The following TMEM233 variants were observed in gnomAD, a reference collection of about 807,000 sequenced individuals.
TMEM233 encodes the protein transmembrane protein 233.
In TMEM233, 6 loss-of-function variants were observed where a neutral mutation model predicts 11.2. That is an observed-to-expected ratio of 0.54 (90% CI 0.29 to 1.06). The LOEUF is 1.06. Ranked by LOEUF, TMEM233 falls within the 50% of genes least tolerant of loss-of-function variation. The probability of loss-of-function intolerance (pLI) is 0.08; values close to 1 mark genes in which losing one functional copy is unlikely to be tolerated. For missense variants in TMEM233, 127 were observed against 144.7 expected, an observed-to-expected ratio of 0.88 and a Z score of 0.63; for synonymous variants, 59 against 55.8, an observed-to-expected ratio of 1.06 and a Z score of -0.26.
chr12:119,605,370 AC>A (rs1186287620), intron 1 of TMEM233, among the ~76,000 whole-genome samples: 1 of 137,828 alleles, frequency 7.3e-6, no homozygotes, highest in Admixed American at 7.7e-5. Flanking sequence ...GACAGTCCTT[AC>A]CCCCATGAAG....
chr12:119,622,410 A>T (rs1187135217), intron 1 of TMEM233, among the ~76,000 whole-genome samples: 2 of 152,208 alleles, frequency 1.3e-5, no homozygotes, highest in African/African-American at 2.4e-5. Flanking sequence ...ATAAATTTTG[A>T]GTATCTAAAG....
chr12:119,611,675 G>T (rs1954402499), intron 1 of TMEM233, among the ~76,000 whole-genome samples: 1 of 151,984 alleles, frequency 6.6e-6, no homozygotes, highest in South Asian at 2.1e-4. Context: ...TGAGAGGTCT[G>T]TTTATGTATC....
At chr12:119,640,659 C>T (rs987619216) in intron 2 of TMEM233, 40 bp from the exon 3 acceptor site, 3 of 1,548,180 alleles carry the variant, frequency 1.9e-6, no homozygotes, top group Non-Finnish European at 1.7e-6. Flanking sequence ...GAAGCTCAGC[C>T]CACGGTCTTT....
At position 119,594,995 on chromosome 12, in the gene TMEM233, C is replaced by G. The variant is rs1169848964; in HGVS notation, c.186+961C>G. ...GGGGATTCCACGCAACGTGCGGCTCCGCCCGCCCTCTGCGCTCAGACCTCC... is the reference window on the plus strand; with the variant it reads ...GGGGATTCCACGCAACGTGCGGCTCGGCCCGCCCTCTGCGCTCAGACCTCC... On this transcript the variant is annotated intron_variant, in intron 1 of 2. Coordinates refer to ENST00000426426, the MANE Select transcript of TMEM233 (RefSeq NM_001136534.3). This position sits in a 1 kb window ranked among gnomAD's most constrained non-coding sequence, Gnocchi z 5.6. Among the ~76,000 whole-genome samples the G allele has an allele frequency of 6.6e-6, 1 of 152,230 alleles. No individual in the cohort carries two copies. Among genetic ancestry groups the G allele is most frequent in the Non-Finnish European group, 1.5e-5 (1 of 68,034 alleles).
At chr12:119,612,699 C>T (rs1053684766) in intron 1 of TMEM233, among the ~76,000 whole-genome samples, 3 of 146,258 alleles carry the variant, frequency 2.1e-5, no homozygotes, top group African/African-American at 7.7e-5. Flanking sequence ...TGCAGTGAGC[C>T]AAGATCACGC....
chr12:119,625,371 T>TTTC (rs1954730062), intron 1 of TMEM233, among the ~76,000 whole-genome samples: 3 of 151,866 alleles, frequency 2.0e-5, no homozygotes, highest in African/African-American at 7.2e-5. Flanking sequence ...CTTCTTCTTT[T>TTTC]TTTTTTTTTT....
At chr12:119,614,411 C>CGAGA (rs57846015) in intron 1 of TMEM233, among the ~76,000 whole-genome samples, 48,707 of 143,402 alleles carry the variant, frequency 0.34, 8,314 homozygotes, top group African/African-American at 0.4. Context: ...TCCATCTCAA[C>CGAGA]GAGAGAGAGA....
downstream of TMEM233, among the ~76,000 whole-genome samples, chr12:119,646,311 G>A (rs10732608): frequency 0.73 from 110,341 of 152,064 alleles, 40,761 homozygotes; most frequent in Middle Eastern, 0.83. Flanking sequence ...CGCCCACCTC[G>A]GCTTCCCAAA....
rs60318959 is a variant in TMEM233, at chr12:119,615,173, T to TAAAAAAAAAAAAAAAAAAAAA, written c.187-14550_187-14530dup. ...AGGTCTCAGTCTACCCGCTTTCTGC[T>TAAAAAAAAAAAAAAAAAAAAA]AAAAAAAAAAAAAAAAAAAAAAAAA... On this transcript the variant is annotated intron_variant, in intron 1 of 2. Coordinates refer to ENST00000426426, the MANE Select transcript of TMEM233 (RefSeq NM_001136534.3). Among the ~76,000 whole-genome samples the TAAAAAAAAAAAAAAAAAAAAA allele has an allele frequency of 4.4e-4, 25 of 56,198 alleles. 1 individual carries two copies. Among genetic ancestry groups the TAAAAAAAAAAAAAAAAAAAAA allele is most frequent in the South Asian group, 2.3e-3 (2 of 854 alleles). 36.9% of individuals were successfully genotyped at this position (56,198 alleles called of 152,430 possible). A position where few individuals can be genotyped will look rare whatever the true frequency, so the allele number is the denominator to read the frequency against.
chr12:119,626,507 A>G (rs1954762378), intron 1 of TMEM233, among the ~76,000 whole-genome samples: 1 of 82,396 alleles, frequency 1.2e-5, no homozygotes, highest in Non-Finnish European at 2.6e-5. Flanking sequence ...GAGGAGGAGG[A>G]GGAGGAGGAG....
intron 1 of TMEM233, among the ~76,000 whole-genome samples, chr12:119,621,420 C>T (rs1305885323): frequency 2.0e-5 from 3 of 151,994 alleles, no homozygotes; most frequent in African/African-American, 4.8e-5. Flanking sequence ...TGGACTCAAG[C>T]GATCCTCCTG....
intron 2 of TMEM233, among the ~76,000 whole-genome samples, chr12:119,633,636 T>C (rs533651447): frequency 2.0e-4 from 30 of 152,160 alleles, no homozygotes; most frequent in African/African-American, 7.0e-4. Flanking sequence ...AAAGGCTTTG[T>C]CATATGCATG....
At chr12:119,636,911 C>T (rs1954977741) in intron 2 of TMEM233, among the ~76,000 whole-genome samples, 1 of 152,182 alleles carries the variant, frequency 6.6e-6, no homozygotes, top group Non-Finnish European at 1.5e-5. Flanking sequence ...CACATGGTAT[C>T]TTGATCAGCC....
rs1289397672 is a variant in TMEM233 at position 119,595,112 on chromosome 12, A to ACACC, written c.186+1080_186+1083dup. On this transcript the variant is annotated intron_variant, in intron 1 of 2. Transcript: ENST00000426426. This position sits in a 1 kb window ranked among gnomAD's most constrained non-coding sequence, Gnocchi z 4.3. ...CTAGCCCTCTTCAACCCTGGTAGGA[A>ACACC]CACCCGAGCGAACCCCACCAGGAGG... Among the ~76,000 whole-genome samples the ACACC allele has an allele frequency of 2.6e-5, 4 of 152,146 alleles. No homozygotes were observed. Among genetic ancestry groups the ACACC allele is most frequent in the African/African-American group, 9.7e-5 (4 of 41,442 alleles).
the TMEM233 span, among the ~76,000 whole-genome samples, chr12:119,650,014 C>G: frequency 6.6e-6 from 1 of 151,820 alleles, no homozygotes; most frequent in African/African-American, 2.4e-5. Context: ...AAAAATTAGC[C>G]GGGCGCGGTG....
rs1482637372 is a variant in TMEM233, at chr12:119,594,818, C to A, written c.186+784C>A. 2.0e-5 allele frequency among the ~76,000 whole-genome samples: 3 copies of A among 152,106 alleles called. No homozygotes were observed. The highest frequency in any genetic ancestry group is 4.4e-5 in the Non-Finnish European group (3 of 68,012). On this transcript the variant is annotated intron_variant, in intron 1 of 2. Coordinates refer to ENST00000426426, the MANE Select transcript of TMEM233 (RefSeq NM_001136534.3). This position sits in a 1 kb window ranked among gnomAD's most constrained non-coding sequence, Gnocchi z 5.6. Reference sequence around the variant, plus strand: ...GCCCCCCTCACCAGCAAAGTGGGTGCGCCTCTCTTACTCTTTCTACCCAGC... The same window carrying A: ...GCCCCCCTCACCAGCAAAGTGGGTGAGCCTCTCTTACTCTTTCTACCCAGC...
chr12:119,604,538 T>C (rs552949938), intron 1 of TMEM233, among the ~76,000 whole-genome samples: 2 of 152,236 alleles, frequency 1.3e-5, no homozygotes, highest in Non-Finnish European at 2.9e-5. Context: ...GAAGATTGCA[T>C]GGTACTCCAT....
chr12:119,637,609 A>G (rs1007505469), intron 2 of TMEM233, among the ~76,000 whole-genome samples: 1 of 152,148 alleles, frequency 6.6e-6, no homozygotes, highest in African/African-American at 2.4e-5. Context: ...GCTTTCTGGG[A>G]ATTGTTTTGA....
rs992392455 is a variant in TMEM233 at position 119,620,524 on chromosome 12, A to G, written c.187-9212A>G. ...TTTAAATAACTAAATGTCTATAGTT[A>G]TAGGTGAGGCATGACCACTTAAATG... On this transcript the variant is annotated intron_variant, in intron 1 of 2. Transcript: ENST00000426426. Among the ~76,000 whole-genome samples the G allele has an allele frequency of 7.2e-5, 11 of 152,366 alleles. No individual in the cohort carries two copies. The East Asian group carries it at 1.9e-3, about 27-fold the overall frequency.
Sources: allele counts gnomAD v4.1 joint callset (sites outside exome capture counted in the v4.1 genomes callset), GRCh38; gene constraint gnomAD v4.1.1; non-coding constraint Gnocchi (gnomAD v3.1); transcripts MANE v1.5; gene names NCBI Gene and HGNC (gene_info 2026-07-23, HGNC 2026-07-21).